SH3RF1: variants seen among roughly 807,000 people sequenced by gnomAD.
The protein encoded by SH3RF1 is E3 ubiquitin-protein ligase SH3RF1.
In SH3RF1, 32 loss-of-function variants were observed where a neutral mutation model predicts 74.0. The ratio of observed to expected loss-of-function variants is 0.43; its 90% CI spans 0.33 to 0.58. SH3RF1 has a LOEUF of 0.58. Ranked by LOEUF, SH3RF1 falls within the 20% of genes least tolerant of loss-of-function variation. The probability of loss-of-function intolerance (pLI) is 0.05; values close to 1 mark genes in which losing one functional copy is unlikely to be tolerated. For synonymous variants in SH3RF1, 396 were observed against 439.6 expected (o/e 0.90, Z 1.24); for missense variants, 954 against 1,130.9 (o/e 0.84, Z 2.24).
intron 2 of SH3RF1, among the ~76,000 whole-genome samples, chr4:169,258,127 T>C (rs899797261): frequency 2.0e-4 from 30 of 152,370 alleles, no homozygotes; most frequent in African/African-American, 2.6e-4. Context: ...AGCCTCATTT[T>C]ATAAAAGAGA....
chr4:169,175,102 C>T (rs1163818553), intron 2 of SH3RF1, among the ~76,000 whole-genome samples: 2 of 152,180 alleles, frequency 1.3e-5, no homozygotes, highest in African/African-American at 4.8e-5. Flanking sequence ...CACCATGATG[C>T]CTCCGTTCCC....
chr4:169,196,659 T>C (rs983802702), intron 2 of SH3RF1, among the ~76,000 whole-genome samples: 4 of 152,166 alleles, frequency 2.6e-5, no homozygotes, highest in Non-Finnish European at 5.9e-5. Context: ...CCATAATTCT[T>C]TACTATGTTA....
Position 169,193,624 on chromosome 4 carries a change from G to T in SH3RF1, c.394-36945C>A, listed in dbSNP as rs543238900. 2.0e-5 allele frequency among the ~76,000 whole-genome samples: 3 copies of T among 152,208 alleles called. No individual in the cohort carries two copies. In the East Asian group the frequency reaches 5.8e-4, roughly 29 times the overall value. On this transcript the variant is annotated intron_variant, in intron 2 of 11. Transcript: ENST00000284637. ...AAGGATGCTACGGCTTATTGTAATG[G>T]CTGAGTAATTATTACAGTGCAGGTC...
At chr4:169,154,221 G>GA (rs2126963925) in intron 4 of SH3RF1, among the ~76,000 whole-genome samples, 2 of 152,004 alleles carry the variant, frequency 1.3e-5, no homozygotes, top group South Asian at 4.2e-4. Flanking sequence ...TTCAAAGGAG[G>GA]AAAAAAATAT....
intron 5 of SH3RF1, among the ~76,000 whole-genome samples, chr4:169,132,992 A>G (rs1382144752): frequency 2.0e-5 from 3 of 152,156 alleles, no homozygotes; most frequent in African/African-American, 4.8e-5. Context: ...CCATCACTCA[A>G]TAGTCACTAA....
intron 2 of SH3RF1, among the ~76,000 whole-genome samples, chr4:169,181,802 GT>G (rs1382278777): frequency 6.6e-6 from 1 of 152,144 alleles, no homozygotes; most frequent in African/African-American, 2.4e-5. Flanking sequence ...CCAGAGAAGA[GT>G]GGATACTGGC....
intron 2 of SH3RF1, among the ~76,000 whole-genome samples, chr4:169,174,926 C>T (rs1198342482): frequency 6.6e-6 from 1 of 152,162 alleles, no homozygotes; most frequent in Non-Finnish European, 1.5e-5. Flanking sequence ...GGGCCTACTT[C>T]ACATCTCCTG....
chr4:169,172,907 G>T (rs1734356249), intron 2 of SH3RF1, among the ~76,000 whole-genome samples: 1 of 151,832 alleles, frequency 6.6e-6, no homozygotes, highest in Admixed American at 6.6e-5. Context: ...GAAGAGAGAG[G>T]GACACTCTTG....
At chr4:169,260,132 G>A (rs948765309) in intron 2 of SH3RF1, among the ~76,000 whole-genome samples, 2 of 152,162 alleles carry the variant, frequency 1.3e-5, no homozygotes, top group Admixed American at 6.5e-5. Context: ...CTGGGGGCTC[G>A]TGGAATGCTG....
intron 6 of SH3RF1, among the ~76,000 whole-genome samples, chr4:169,123,310 T>C (rs1455153621): frequency 2.6e-5 from 4 of 152,232 alleles, no homozygotes; most frequent in South Asian, 2.1e-4. Context: ...AATATAGACA[T>C]ACATAGTTCC....
intron 2 of SH3RF1, among the ~76,000 whole-genome samples, chr4:169,208,665 A>G (rs913284972): frequency 2.6e-5 from 4 of 152,112 alleles, no homozygotes; most frequent in Admixed American, 2.6e-4. Flanking sequence ...TGAATCAGGC[A>G]TCAAACATCT....
intron 2 of SH3RF1, among the ~76,000 whole-genome samples, chr4:169,158,795 A>G (rs1016643040): frequency 6.6e-6 from 1 of 152,262 alleles, no homozygotes; most frequent in Non-Finnish European, 1.5e-5. Flanking sequence ...ACAGAACTTC[A>G]TAACACAATT....
intron 2 of SH3RF1, among the ~76,000 whole-genome samples, chr4:169,198,230 C>T (rs1734852632): frequency 6.6e-6 from 1 of 152,166 alleles, no homozygotes; most frequent in Non-Finnish European, 1.5e-5. Context: ...GTTACTGTGG[C>T]TTTCAACACT....
rs776451351 is a variant in SH3RF1, at chr4:169,268,820, C to A, written c.393G>T (p.Arg131Ser). 1 of 1,581,414 alleles carries A rather than the reference C, an allele frequency of 6.3e-7. No individual in the cohort carries two copies. The highest frequency in any genetic ancestry group is 2.2e-5 in the East Asian group (1 of 44,676). Reference protein sequence around the residue: ...PRVQSWSPPVRGIPQLPCAKA... With the variant: ...PRVQSWSPPVSGIPQLPCAKA... ...CAAACTACCTCTGTAGGCTACTTAC[C>A]CTCACTGGGGGGCTCCAGGATTGCA... is the stretch of plus-strand genomic sequence containing the variant. Residue 131 changes from arginine (R) to serine (S), a missense_variant and splice_region_variant, in exon 2 of 12, where the codon AGG becomes AGT. Around this residue, in one of 3 missense-constraint regions of SH3RF1, gnomAD observed 854 missense variants for 962.5 expected, o/e 0.89. Transcript: ENST00000284637.
chr4:169,212,057 C>CTTTTTTTTTTTTTTTTTTTTTT (rs34108534), intron 2 of SH3RF1, among the ~76,000 whole-genome samples: 13 of 48,270 alleles, frequency 2.7e-4, no homozygotes, highest in Non-Finnish European at 4.4e-4. Flanking sequence ...CTTTTCTTTT[C>CTTTTTTTTTTTTTTTTTTTTTT]TTTTTTTTTT....
intron 2 of SH3RF1, among the ~76,000 whole-genome samples, chr4:169,259,872 C>T (rs955972116): frequency 6.6e-6 from 1 of 152,300 alleles, no homozygotes; most frequent in East Asian, 1.9e-4. Context: ...AATATTTGTG[C>T]TAGGTTGCTA....
intron 2 of SH3RF1, among the ~76,000 whole-genome samples, chr4:169,265,452 G>A (rs1397649343): frequency 6.6e-6 from 1 of 152,156 alleles, no homozygotes; most frequent in Non-Finnish European, 1.5e-5. Context: ...AGAACTTAAT[G>A]TTAAGAGATA....
intron 2 of SH3RF1, among the ~76,000 whole-genome samples, chr4:169,218,346 TATAA>T (rs1464441582): frequency 1.4e-5 from 2 of 141,396 alleles, no homozygotes; most frequent in South Asian, 2.1e-4. Context: ...GAATATAGAA[TATAA>T]ATATATATTA....
At chr4:169,216,032 G>A (rs1730456788) in intron 2 of SH3RF1, among the ~76,000 whole-genome samples, 1 of 152,098 alleles carries the variant, frequency 6.6e-6, no homozygotes, top group Non-Finnish European at 1.5e-5. Flanking sequence ...TTGAACTCCT[G>A]AGCTCAAGAG....
Sources: gnomAD v4.1 joint callset for allele counts (sites outside exome capture counted in the v4.1 genomes callset) on GRCh38, gnomAD v4.1.1 for gene constraint, gnomAD v4.1.1 regional missense constraint, MANE v1.5 for transcripts, NCBI Gene and HGNC (gene_info 2026-07-23, HGNC 2026-07-21) for gene names.